The following KCNIP4 variants were observed in gnomAD, a reference collection of about 807,000 sequenced individuals.
KCNIP4 encodes potassium voltage-gated channel interacting protein 4.
Under a neutral mutation model 34.0 loss-of-function variants are expected in KCNIP4, and 12 were observed. That is an observed-to-expected ratio of 0.35 (90% CI 0.23 to 0.57). The LOEUF is 0.57. KCNIP4 is among the 20% of genes least tolerant of loss of function. KCNIP4 has a pLI of 0.83. For missense variants in KCNIP4, 238 were observed against 311.7 expected (o/e 0.76, Z 1.78); for synonymous variants, 124 against 102.2 (o/e 1.21, Z -1.29).
At position 20,756,761 on chromosome 4, in the gene KCNIP4, T is replaced by A. The variant is rs145161141; in HGVS notation, c.358+2060A>T. 3.3e-3 allele frequency among the ~76,000 whole-genome samples: 504 copies of A among 152,198 alleles called. 1 individual carries two copies. The highest frequency in any genetic ancestry group is 0.017 in the Middle Eastern group (5 of 294). On this transcript the variant is annotated intron_variant, in intron 4 of 8. Transcript: ENST00000382152. ...CTTCTGATCCTTACCTTACTGGACT[T>A]CATCATTTCATTTCTGAACTATCTA...
chr4:21,894,797 A>G (rs189751683), intron 1 of KCNIP4, among the ~76,000 whole-genome samples: 138 of 152,324 alleles, frequency 9.1e-4, no homozygotes, highest in African/African-American at 2.9e-3. Flanking sequence ...TTAATCTTTT[A>G]CACAAGGCAG....
chr4:21,159,042 G>C (rs981356059), intron 1 of KCNIP4, among the ~76,000 whole-genome samples: 1 of 152,076 alleles, frequency 6.6e-6, no homozygotes, highest in Admixed American at 6.5e-5. Context: ...TTGATTTACA[G>C]AGTCAATAAA....
intron 1 of KCNIP4, among the ~76,000 whole-genome samples, chr4:21,234,332 T>C (rs1026075558): frequency 1.2e-5 from 1 of 82,182 alleles, no homozygotes; most frequent in African/African-American, 6.4e-5. Flanking sequence ...CATATATAAA[T>C]TATATATAAC....
chr4:21,758,350 T>C (rs1577950458), intron 1 of KCNIP4, among the ~76,000 whole-genome samples: 1 of 152,200 alleles, frequency 6.6e-6, no homozygotes, highest in African/African-American at 2.4e-5. Flanking sequence ...GTGTGTATGG[T>C]TTTGTGGGAG....
chr4:21,363,198 T>C (rs1423572543), intron 1 of KCNIP4, among the ~76,000 whole-genome samples: 1 of 152,168 alleles, frequency 6.6e-6, no homozygotes, highest in Admixed American at 6.6e-5. Flanking sequence ...TTCTCTCTTC[T>C]TGTCCTTGTG....
At chr4:21,922,527 G>T (rs1264681790) in intron 1 of KCNIP4, among the ~76,000 whole-genome samples, 3 of 152,120 alleles carry the variant, frequency 2.0e-5, no homozygotes, top group Non-Finnish European at 4.4e-5. Context: ...AATCAGAAAA[G>T]ACATTTTGGA....
chr4:21,875,388 A>G (rs926541052), intron 1 of KCNIP4, among the ~76,000 whole-genome samples: 3 of 152,224 alleles, frequency 2.0e-5, no homozygotes, highest in Non-Finnish European at 4.4e-5. Flanking sequence ...ACAAATAAAT[A>G]GATAGAAATA....
At chr4:21,041,898 C>T (rs1354961254) in intron 1 of KCNIP4, among the ~76,000 whole-genome samples, 1 of 152,120 alleles carries the variant, frequency 6.6e-6, no homozygotes, top group Admixed American at 6.5e-5. Flanking sequence ...TCAGTAGAAC[C>T]GTGTTTGATG....
intron 1 of KCNIP4, among the ~76,000 whole-genome samples, chr4:21,322,857 C>A (rs1035803901): frequency 3.3e-5 from 5 of 151,998 alleles, no homozygotes; most frequent in Admixed American, 3.3e-4. Flanking sequence ...AGAGAAATAA[C>A]CAGAAATAGA....
At chr4:21,748,337 T>G (rs1292240374) in intron 1 of KCNIP4, among the ~76,000 whole-genome samples, 2 of 152,120 alleles carry the variant, frequency 1.3e-5, no homozygotes, top group African/African-American at 2.4e-5. Flanking sequence ...GTGATAGACA[T>G]GATTATCTCA....
chr4:21,238,409 G>T (rs868104988), intron 1 of KCNIP4, among the ~76,000 whole-genome samples: 79 of 152,258 alleles, frequency 5.2e-4, no homozygotes, highest in African/African-American at 1.9e-3. Context: ...GAAATAAAGG[G>T]TATTCAATTA....
chr4:21,930,241 T>C (rs1490097072), intron 1 of KCNIP4, among the ~76,000 whole-genome samples: 1 of 152,142 alleles, frequency 6.6e-6, no homozygotes, highest in Non-Finnish European at 1.5e-5. Flanking sequence ...TTTCTTCCAC[T>C]TATTCTGATA....
At chr4:21,323,561 C>A (rs957869059) in intron 1 of KCNIP4, among the ~76,000 whole-genome samples, 3 of 152,040 alleles carry the variant, frequency 2.0e-5, no homozygotes, top group African/African-American at 7.2e-5. Context: ...TAATTACCTC[C>A]AGTGTCATCC....
In KCNIP4 at chr4:20,921,578, A is replaced by T. The variant is rs573842636; in HGVS notation, c.62-38869T>A. ...GAAATAAAGCTATAGGTAGGAATAA[A>T]GCTATTTCACATTTGAACATTTATG... On this transcript the variant is annotated intron_variant, in intron 1 of 8. Transcript: ENST00000382152. 2.0e-3 allele frequency among the ~76,000 whole-genome samples: 304 copies of T among 152,368 alleles called. 1 individual carries two copies. Among genetic ancestry groups the T allele is most frequent in the African/African-American group, 7.0e-3 (290 of 41,590 alleles).
intron 1 of KCNIP4, among the ~76,000 whole-genome samples, chr4:21,302,274 T>C (rs1711823131): frequency 6.6e-6 from 1 of 152,092 alleles, no homozygotes. Context: ...GCAGAACCAA[T>C]ACTAGAGTAG....
At chr4:21,782,526 T>C (rs1259780658) in intron 1 of KCNIP4, among the ~76,000 whole-genome samples, 1 of 152,096 alleles carries the variant, frequency 6.6e-6, no homozygotes, top group Non-Finnish European at 1.5e-5. Context: ...AGACTCCGTT[T>C]CTACAAAATT....
intron 1 of KCNIP4, among the ~76,000 whole-genome samples, chr4:21,051,500 A>G (rs1360784355): frequency 6.6e-6 from 1 of 152,166 alleles, no homozygotes; most frequent in East Asian, 1.9e-4. Context: ...TCATATTGTA[A>G]AAAGAAATGG....
At chr4:21,204,133 T>G (rs1231656361) in intron 1 of KCNIP4, among the ~76,000 whole-genome samples, 1 of 152,052 alleles carries the variant, frequency 6.6e-6, no homozygotes, top group African/African-American at 2.4e-5. Flanking sequence ...CTGCCTCTAC[T>G]CACTTTGAAT....
intron 3 of KCNIP4, among the ~76,000 whole-genome samples, chr4:20,812,029 G>C (rs1715834507): frequency 6.6e-6 from 1 of 152,126 alleles, no homozygotes. Flanking sequence ...TCCCCCACTG[G>C]GGTGTCTGGA....
Sources: allele counts gnomAD v4.1 joint callset (sites outside exome capture counted in the v4.1 genomes callset), GRCh38; gene constraint gnomAD v4.1.1; transcripts MANE v1.5; gene names NCBI Gene and HGNC (gene_info 2026-07-23, HGNC 2026-07-21).